The following SKIL variants were observed in gnomAD, a reference collection of about 807,000 sequenced individuals.
SKIL encodes the protein ski-like protein.
A neutral mutation model predicts 69.6 loss-of-function variants in SKIL; 20 were observed. The ratio of observed to expected loss-of-function variants is 0.29; its 90% CI spans 0.20 to 0.42. The LOEUF is 0.42. SKIL is among the 10% of genes least tolerant of loss of function. SKIL has a pLI of 1.00. For synonymous variants in SKIL, 310 were observed against 279.9 expected (o/e 1.11, Z -1.08); for missense variants, 745 against 783.1 (o/e 0.95, Z 0.58).
rs2108231960 is a variant in SKIL, at chr3:170,395,529, A to G, written c.*3112A>G. The G allele has an allele frequency of 6.6e-6, 1 of 152,252 alleles. No individual in the cohort carries two copies. Among genetic ancestry groups the G allele is most frequent in the South Asian group, 2.1e-4 (1 of 4,832 alleles). The allele number at this position is 152,252 out of a possible 1,614,324, so 9.4% of individuals were successfully genotyped here. A position where few individuals can be genotyped will look rare whatever the true frequency, so the allele number is the denominator to read the frequency against. The stretch of plus-strand genomic sequence containing the variant: ...ATCCATATCTTTTAGAAGTCCTGAC[A>G]GAACAACCAGTTTATTTGCACATAG... On this transcript the variant is annotated 3_prime_UTR_variant, in exon 7 of 7. Transcript: ENST00000259119.
chr3:170,386,287 C>T lies in SKIL; in HGVS notation c.1429+1522C>T, dbSNP rs149910397. ...CTGGGATTATAGGCATGCACCACCA[C>T]GCCCGGCTAATTTTGTATTTTTAGT... On this transcript the variant is annotated intron_variant, in intron 4 of 6. Transcript: ENST00000259119. 5.4e-3 allele frequency among the ~76,000 whole-genome samples: 822 copies of T among 151,778 alleles called. 24 individuals carry two copies. The East Asian group carries it at 0.092, about 17-fold the overall frequency.
At position 170,360,814 on chromosome 3, in the gene SKIL, A is replaced by C. The variant is rs544341075; in HGVS notation, c.483A>C (p.Gly161=). ...CTATTTCTTGTTTTCAAGTTGGAGG[A>C]GAAAAGAGACTCTGTTTGCCCCAAG... ...GESISCFQVG[G]EKRLCLPQVL... The change falls in exon 2 of 7, where the codon GGA becomes GGC. Residue 161 remains glycine, a synonymous_variant. Coordinates refer to ENST00000259119, the MANE Select transcript of SKIL (RefSeq NM_005414.5). The C allele has an allele frequency of 6.2e-7, 1 of 1,614,196 alleles. No homozygotes were observed. The highest frequency in any genetic ancestry group is 2.2e-5 in the East Asian group (1 of 44,886).
chr3:170,379,846 G>A (rs1055651292), intron 2 of SKIL, among the ~76,000 whole-genome samples: 5 of 152,024 alleles, frequency 3.3e-5, no homozygotes, highest in East Asian at 3.9e-4. Flanking sequence ...GTTTTGCCAC[G>A]TTGGCCATGC....
chr3:170,358,480 C>T (rs1462397499), intron 1 of SKIL: 1 of 152,678 alleles, frequency 6.5e-6, no homozygotes, highest in Admixed American at 6.5e-5. Flanking sequence ...AGGTGGGTGG[C>T]TTTGAGTGGG....
intron 2 of SKIL, among the ~76,000 whole-genome samples, chr3:170,372,309 T>A (rs1178625364): frequency 6.6e-6 from 1 of 152,230 alleles, no homozygotes; most frequent in Non-Finnish European, 1.5e-5. Context: ...CATTTTTAAG[T>A]ATCTCAAACC....
chr3:170,391,399 C>T, intron 6 of SKIL, 139 bp downstream of exon 6: 1 of 587,758 alleles, frequency 1.7e-6, no homozygotes, highest in Non-Finnish European at 3.0e-6. Context: ...CTCCCCACAA[C>T]CTCTGCCTCC....
rs754927288 is a variant in SKIL, at chr3:170,390,206, A to AT, written c.1430-10dup. The AT allele has an allele frequency of 8.9e-6, 14 of 1,581,522 alleles. No homozygotes were observed. Among genetic ancestry groups the AT allele is most frequent in the African/African-American group, 1.4e-5 (1 of 74,042 alleles). ...AGTGATATTCATACTTTGTTACTTG[A>AT]TTTTTTTCTCTCCAAGATGCATCAA... On this transcript the variant is annotated splice_polypyrimidine_tract_variant and intron_variant, in intron 4 of 6. Transcript: ENST00000259119.
chr3:170,390,704 A>C (rs1301036561), intron 5 of SKIL, among the ~76,000 whole-genome samples: 1 of 152,000 alleles, frequency 6.6e-6, no homozygotes, highest in Non-Finnish European at 1.5e-5. Flanking sequence ...CCAGGCTCGA[A>C]CTTTTGACCT....
chr3:170,376,711 G>A (rs935097585), intron 2 of SKIL, among the ~76,000 whole-genome samples: 3 of 152,032 alleles, frequency 2.0e-5, no homozygotes, highest in South Asian at 4.1e-4. Flanking sequence ...AAGTAGCTGG[G>A]ACTACAGGCA....
intron 2 of SKIL, among the ~76,000 whole-genome samples, chr3:170,373,564 G>T (rs1372154883): frequency 2.0e-5 from 3 of 152,058 alleles, no homozygotes; most frequent in African/African-American, 7.2e-5. Context: ...GCATTATCTT[G>T]GTTTCTTTAG....
intron 2 of SKIL, 34 bp from the exon 3 acceptor site, chr3:170,381,210 T>A (rs746080534): frequency 6.9e-6 from 8 of 1,161,384 alleles, no homozygotes; most frequent in Non-Finnish European, 1.0e-5. Context: ...CAGTTTTACT[T>A]CAATAAATGT....
intron 3 of SKIL, among the ~76,000 whole-genome samples, chr3:170,382,904 A>C (rs958927100): frequency 6.6e-6 from 1 of 151,534 alleles, no homozygotes; most frequent in African/African-American, 2.4e-5. Context: ...TTTTTAGAAG[A>C]GACGAGGTTT....
intron 4 of SKIL, among the ~76,000 whole-genome samples, chr3:170,387,331 C>T (rs1560220144): frequency 6.6e-6 from 1 of 152,134 alleles, no homozygotes; most frequent in South Asian, 2.1e-4. Flanking sequence ...AGGAGTCACT[C>T]CCTGATTCTC....
At position 170,394,848 on chromosome 3, in the gene SKIL, A is replaced by G. The variant is rs530044837; in HGVS notation, c.*2431A>G. The G allele has an allele frequency of 2.4e-3, 372 of 152,330 alleles. 1 individual carries two copies. The highest frequency in any genetic ancestry group is 8.4e-3 in the African/African-American group (350 of 41,580). The allele number at this position is 152,330 out of a possible 1,614,324, so 9.4% of individuals were successfully genotyped here. ...CAATATAGAGATTTTGTAATACCTT[A>G]TAAGTGGAGTTGGCTAAAATACCTT... On this transcript the variant is annotated 3_prime_UTR_variant, in exon 7 of 7. Transcript: ENST00000259119.
intron 2 of SKIL, among the ~76,000 whole-genome samples, chr3:170,369,082 ATTTTTTTTT>A (rs55652320): frequency 3.9e-4 from 50 of 126,768 alleles, no homozygotes; most frequent in African/African-American, 8.4e-4. Flanking sequence ...TATCCCTGGC[ATTTTTTTTT>A]TTTTTTTTTT....
intron 2 of SKIL, among the ~76,000 whole-genome samples, chr3:170,370,446 C>T (rs1159216916): frequency 3.6e-5 from 1 of 27,986 alleles, no homozygotes; most frequent in Non-Finnish European, 1.0e-4. Context: ...AGAGCCCCCC[C>T]CCCCCCCCCG....
At chr3:170,365,971 A>C (rs1327375845) in intron 2 of SKIL, among the ~76,000 whole-genome samples, 1 of 150,480 alleles carries the variant, frequency 6.6e-6, no homozygotes, top group African/African-American at 2.4e-5. Context: ...GGCCAGGCTG[A>C]TCTTGAACTC....
At chr3:170,389,463 G>GCCA (rs1184256521) in intron 4 of SKIL, among the ~76,000 whole-genome samples, 1 of 151,816 alleles carries the variant, frequency 6.6e-6, no homozygotes, top group East Asian at 1.9e-4. Flanking sequence ...ACAGGCGCCC[G>GCCA]CCACCAAGCC....
In SKIL at chr3:170,376,371, A is replaced by G. The variant is rs559864480; in HGVS notation, c.1099-4873A>G. On this transcript the variant is annotated intron_variant, in intron 2 of 6. Transcript: ENST00000259119. The stretch of plus-strand genomic sequence containing the variant: ...CTCAAACTGATCTTAAATTTTACTG[A>G]TTTGTTAGAATGAACTTATCCTCGT... Among the ~76,000 whole-genome samples the G allele has an allele frequency of 3.9e-5, 6 of 152,108 alleles. No individual in the cohort carries two copies. In the South Asian group the frequency reaches 1.2e-3, roughly 32 times the overall value.
Sources: allele counts gnomAD v4.1 joint callset (sites outside exome capture counted in the v4.1 genomes callset), GRCh38; gene constraint gnomAD v4.1.1; transcripts MANE v1.5; gene names NCBI Gene and HGNC (gene_info 2026-07-23, HGNC 2026-07-21).